NR3C1: variants seen among roughly 807,000 people sequenced by gnomAD.
NR3C1 encodes nuclear receptor subfamily 3 group C member 1.
In NR3C1, 14 loss-of-function variants were observed where a neutral mutation model predicts 74.0. That is an observed-to-expected ratio of 0.19 (90% CI 0.12 to 0.30). NR3C1 has a LOEUF of 0.30. Ranked by LOEUF, NR3C1 falls within the 10% of genes least tolerant of loss-of-function variation. The pLI, the probability that NR3C1 is intolerant of heterozygous loss-of-function variation, is 1.00. For missense variants in NR3C1, 695 were observed against 909.8 expected (o/e 0.76, Z 3.04); for synonymous variants, 308 against 332.5 (o/e 0.93, Z 0.80).
intron 2 of NR3C1, among the ~76,000 whole-genome samples, chr5:143,374,213 C>T (rs1241614955): frequency 9.2e-5 from 14 of 152,062 alleles, no homozygotes; most frequent in Admixed American, 6.5e-4. Flanking sequence ...GAGTAAAGGG[C>T]CGGGTGTGGT....
In NR3C1 at chr5:143,288,872, G is replaced by A. The variant is rs945007216; in HGVS notation, c.2024-6147C>T. ...TGTAATCCCAGCACTTTGGGAGGCC[G>A]AGGTGGGTGGATCACCTGAGGTCAG... On this transcript the variant is annotated intron_variant, in intron 7 of 8. Transcript: ENST00000394464. Among the ~76,000 whole-genome samples the A allele has an allele frequency of 3.9e-5, 6 of 151,962 alleles. No homozygotes were observed. The East Asian group carries it at 9.7e-4, about 25-fold the overall frequency.
At chr5:143,358,204 C>T (rs538554007) in intron 2 of NR3C1, among the ~76,000 whole-genome samples, 1 of 152,282 alleles carries the variant, frequency 6.6e-6, no homozygotes, top group East Asian at 1.9e-4. Flanking sequence ...ATATACAGAA[C>T]TCCCCACCTA....
intron 3 of NR3C1, among the ~76,000 whole-genome samples, chr5:143,311,656 A>T (rs1202059076): frequency 6.6e-6 from 1 of 151,744 alleles, no homozygotes; most frequent in Non-Finnish European, 1.5e-5. Flanking sequence ...TCATTTATTT[A>T]TTTATTTTTA....
intron 2 of NR3C1, among the ~76,000 whole-genome samples, chr5:143,323,854 G>A (rs1360758725): frequency 2.0e-5 from 3 of 152,048 alleles, no homozygotes; most frequent in African/African-American, 7.2e-5. Flanking sequence ...CAAAACAAAG[G>A]GGTTACGGGG....
At chr5:143,386,737 G>A (rs1183014935) in intron 2 of NR3C1, among the ~76,000 whole-genome samples, 2 of 152,154 alleles carry the variant, frequency 1.3e-5, no homozygotes, top group Non-Finnish European at 2.9e-5. Flanking sequence ...TTCTGAAGGG[G>A]CATTTGCAAA....
At chr5:143,401,003 T>C (rs1840166232) in intron 1 of NR3C1, among the ~76,000 whole-genome samples, 151 bp from the exon 2 acceptor site, 1 of 152,232 alleles carries the variant, frequency 6.6e-6, no homozygotes, top group Non-Finnish European at 1.5e-5. Context: ...GTAGTTTCTA[T>C]CTTCCAGAAT....
rs373017100 is a variant in NR3C1, at chr5:143,400,840, C to T, written c.-1G>A. On this transcript the variant is annotated 5_prime_UTR_variant, in exon 2 of 9. Transcript: ENST00000394464. The stretch of plus-strand genomic sequence containing the variant: ...GAGTTAATGATTCTTTGGAGTCCAT[C>T]AGTGAATATCAACTACAAAACAAAA... 3 of 1,612,936 alleles carry T rather than the reference C, an allele frequency of 1.9e-6. No homozygotes were observed. In the South Asian group the frequency reaches 3.3e-5, roughly 18 times the overall value.
intron 1 of NR3C1, among the ~76,000 whole-genome samples, chr5:143,420,711 A>G (rs1165649863): frequency 2.0e-5 from 3 of 152,108 alleles, no homozygotes; most frequent in African/African-American, 4.8e-5. Flanking sequence ...GCCCCCCACA[A>G]CAAAGAATTA....
At position 143,399,703 on chromosome 5, in the gene NR3C1, C is replaced by T. The variant is rs749039482; in HGVS notation, c.1137G>A (p.Gly379=). The change falls in exon 2 of 9, where the codon GGG becomes GGA. Residue 379 remains glycine, a synonymous_variant. Coordinates refer to ENST00000394464, the MANE Select transcript of NR3C1 (RefSeq NM_000176.3). ...CTGTTCGACCAGGGAAGTTCAGAGTCCCCAGAGAAGTCAAGTTGTCATCTC... is the reference window on the plus strand; with the variant it reads ...CTGTTCGACCAGGGAAGTTCAGAGTTCCCAGAGAAGTCAAGTTGTCATCTC... The part of the protein sequence containing the change: ...GSGDDNLTSL[G]TLNFPGRTVF... 2 of 1,614,112 alleles carry T rather than the reference C, an allele frequency of 1.2e-6. No individual in the cohort carries two copies. The highest frequency in any genetic ancestry group is 1.7e-6 in the Non-Finnish European group (2 of 1,179,992).
Position 143,300,676 on chromosome 5 carries a change from G to A in NR3C1, c.1556C>T (p.Thr519Ile). The change falls in exon 5 of 9, where the codon ACA (threonine) becomes ATA (isoleucine). Residue 519 changes from threonine (T) to isoleucine (I), a missense_variant. Thr to Ile is a moderately conservative substitution (Grantham distance 89). Around this residue, in one of 4 missense-constraint regions of NR3C1, gnomAD observed 42 missense variants for 49.3 expected, o/e 0.85. Coordinates refer to ENST00000394464, the MANE Select transcript of NR3C1 (RefSeq NM_000176.3). This position sits in a 1 kb window ranked among gnomAD's most constrained non-coding sequence, Gnocchi z 5.2. The part of the protein sequence containing the change: ...QETSENPGNK[T>I]IVPATLPQLT... Reference sequence around the variant, plus strand: ...TTGTGGTAACGTTGCAGGAACTATTGTTTTGTTACCAGGATTTTCAGAGGT... The same window carrying A: ...TTGTGGTAACGTTGCAGGAACTATTATTTTGTTACCAGGATTTTCAGAGGT... 6.2e-7 allele frequency: 1 copy of A among 1,614,122 alleles called. No homozygotes were observed. The highest frequency in any genetic ancestry group is 8.5e-7 in the Non-Finnish European group (1 of 1,180,004).
intron 1 of NR3C1, 124 bp downstream of exon 1, chr5:143,403,081 CCCCCCA>C: frequency 1.3e-6 from 1 of 770,006 alleles, no homozygotes; most frequent in Non-Finnish European, 1.6e-6. Context: ...CCCTTGCCAG[CCCCCCA>C]CCCCCACTCC....
At chr5:143,290,296 C>A (rs951334500) in intron 7 of NR3C1, among the ~76,000 whole-genome samples, 7 of 152,184 alleles carry the variant, frequency 4.6e-5, no homozygotes, top group Non-Finnish European at 8.8e-5. Context: ...TGGAACACAG[C>A]CATGCCTGTT....
intron 7 of NR3C1, among the ~76,000 whole-genome samples, chr5:143,288,647 A>G (rs1178125263): frequency 6.6e-6 from 1 of 151,662 alleles, no homozygotes; most frequent in African/African-American, 2.4e-5. Flanking sequence ...AATTTTTTCT[A>G]TTTTGTGTAG....
rs557029772 is a variant in NR3C1, at chr5:143,286,844, C to A, written c.2024-4119G>T. Reference sequence around the variant, plus strand: ...GCACTCATGGAACACTCAGGATAGACCATATGCAAGTGCCTAAAAAAGTCT... The same window carrying A: ...GCACTCATGGAACACTCAGGATAGAACATATGCAAGTGCCTAAAAAAGTCT... On this transcript the variant is annotated intron_variant, in intron 7 of 8. Coordinates refer to ENST00000394464, the MANE Select transcript of NR3C1 (RefSeq NM_000176.3). 2.0e-5 allele frequency among the ~76,000 whole-genome samples: 3 copies of A among 150,618 alleles called. No individual in the cohort carries two copies. The South Asian group carries it at 6.3e-4, about 32-fold the overall frequency.
In NR3C1 at chr5:143,400,600, T is replaced by G; in HGVS notation, c.240A>C (p.Lys80Asn). 6.2e-7 allele frequency: 1 copy of G among 1,614,264 alleles called. No individual in the cohort carries two copies. Among genetic ancestry groups the G allele is most frequent in the Non-Finnish European group, 8.5e-7 (1 of 1,180,042 alleles). ...VSNAQQPDLS[K>N]AVSLSMGLYM... ...ACAGTCCCATTGAGAGTGAAACTGC[T>G]TTGGACAGATCTGGCTGCTGCGCAT... The change falls in exon 2 of 9, where the codon AAA becomes AAC. Residue 80 changes from lysine to asparagine, a missense_variant. Transcript: ENST00000394464.
chr5:143,326,890 T>C (rs2151678284), intron 2 of NR3C1, among the ~76,000 whole-genome samples: 1 of 152,356 alleles, frequency 6.6e-6, no homozygotes, highest in South Asian at 2.1e-4. Flanking sequence ...TAAATTAACA[T>C]GTCATCTGAT....
Position 143,280,182 on chromosome 5 carries a change from C to T in NR3C1, c.*1707G>A, listed in dbSNP as rs1812882092. On this transcript the variant is annotated 3_prime_UTR_variant, in exon 9 of 9. Coordinates refer to ENST00000394464, the MANE Select transcript of NR3C1 (RefSeq NM_000176.3). ...AGGTTATCCATCAGCATTTCTTTGA[C>T]CCCTACAAAAAATATATAACATGTC... 6.6e-6 allele frequency: 1 copy of T among 152,486 alleles called. No homozygotes were observed. Among genetic ancestry groups the T allele is most frequent in the Non-Finnish European group, 1.5e-5 (1 of 68,012 alleles). The allele number at this position is 152,486 out of a possible 1,614,324, so 9.4% of individuals were successfully genotyped here.
intron 7 of NR3C1, among the ~76,000 whole-genome samples, chr5:143,284,391 T>C (rs1045739489): frequency 1.3e-5 from 2 of 152,150 alleles, no homozygotes; most frequent in African/African-American, 4.8e-5. Flanking sequence ...TTACAAGACA[T>C]CAGTATTAAC....
chr5:143,435,235 T>C (rs747240221), exon 1 of NR3C1: 12 of 985,368 alleles, frequency 1.2e-5, no homozygotes, highest in Non-Finnish European at 1.4e-5. Flanking sequence ...TCCCCACTCA[T>C]GCCCCAGTGC....
Sources: gnomAD v4.1 joint callset for allele counts (sites outside exome capture counted in the v4.1 genomes callset) on GRCh38, gnomAD v4.1.1 for gene constraint, gnomAD v4.1.1 regional missense constraint, Gnocchi (gnomAD v3.1) non-coding constraint, MANE v1.5 for transcripts, NCBI Gene and HGNC (gene_info 2026-07-23, HGNC 2026-07-21) for gene names.